Variants in STK33 observed in about 807,000 individuals in gnomAD.
STK33 encodes the protein serine/threonine kinase 33.
A neutral mutation model predicts 58.0 loss-of-function variants in STK33; 52 were observed. The ratio of observed to expected loss-of-function variants is 0.90; its 90% CI spans 0.72 to 1.13. STK33 has a LOEUF of 1.13. Among genes scored for constraint, STK33 ranks in the 50% most tolerant of loss-of-function variants. The pLI is 0.00. For missense variants in STK33, 630 were observed against 604.2 expected (o/e 1.04, Z -0.45); for synonymous variants, 215 against 200.1 (o/e 1.07, Z -0.63).
chr11:8,407,793 C>A (rs989102526), intron 15 of STK33, among the ~76,000 whole-genome samples: 1 of 151,902 alleles, frequency 6.6e-6, no homozygotes, highest in African/African-American at 2.4e-5. Flanking sequence ...AATGACAAAA[C>A]TTCCAAAACG....
chr11:8,373,599 T>C, the STK33 span, among the ~76,000 whole-genome samples: 1 of 151,922 alleles, frequency 6.6e-6, no homozygotes, highest in Non-Finnish European at 1.5e-5. Context: ...CTCAGGGTGG[T>C]CTCAGGCCCA....
At chr11:8,492,770 A>C (rs1196763339) in intron 1 of STK33, among the ~76,000 whole-genome samples, 3 of 152,226 alleles carry the variant, frequency 2.0e-5, no homozygotes, top group Admixed American at 1.3e-4. Flanking sequence ...GTGCAATCAA[A>C]TTAGAACTCA....
intron 1 of STK33, among the ~76,000 whole-genome samples, chr11:8,486,310 A>G (rs968294823): frequency 1.3e-5 from 2 of 152,178 alleles, no homozygotes; most frequent in Non-Finnish European, 2.9e-5. Flanking sequence ...GGCTTAACTC[A>G]TACTACTTCC....
intron 15 of STK33, among the ~76,000 whole-genome samples, chr11:8,397,329 G>A (rs963940475): frequency 3.3e-5 from 5 of 152,198 alleles, no homozygotes; most frequent in African/African-American, 7.2e-5. Context: ...TGCAGCCTCC[G>A]CTGCTGACAC....
rs543057712 is a variant in STK33 at position 8,506,730 on chromosome 11, G to A, written c.-465-26116C>T. Among the ~76,000 whole-genome samples, 4 of 152,200 alleles carry A rather than the reference G, an allele frequency of 2.6e-5. No homozygotes were observed. The South Asian group carries it at 8.3e-4, about 32-fold the overall frequency. On this transcript the variant is annotated intron_variant, in intron 1 of 15. Transcript: ENST00000687296. ...CAGGAATTAGGACGTGGACACCTTT[G>A]GGGGGCCGTTATTCTGCCTACCACA...
At position 8,420,634 on chromosome 11, in the gene STK33, A is replaced by G. The variant is rs148581547; in HGVS notation, c.1147-6942T>C. Among the ~76,000 whole-genome samples, 9 of 152,304 alleles carry G rather than the reference A, an allele frequency of 5.9e-5. No individual in the cohort carries two copies. In the East Asian group the frequency reaches 1.7e-3, roughly 29 times the overall value. Reference sequence around the variant, plus strand: ...CTATCACCTGAGGTGACTGCTATCCAGAATCTTGTGATTAACATTCCCTTG... The same window carrying G: ...CTATCACCTGAGGTGACTGCTATCCGGAATCTTGTGATTAACATTCCCTTG... On this transcript the variant is annotated intron_variant, in intron 14 of 15. Coordinates refer to ENST00000687296, the MANE Select transcript of STK33 (RefSeq NM_001352389.2).
chr11:8,487,369 T>C (rs1324248444), intron 1 of STK33, among the ~76,000 whole-genome samples: 2 of 147,114 alleles, frequency 1.4e-5, no homozygotes, highest in African/African-American at 5.1e-5. Flanking sequence ...CTGCAGTGAG[T>C]TGTGATCATG....
chr11:8,381,515 A>T, the STK33 span, among the ~76,000 whole-genome samples: 8,984 of 152,078 alleles, frequency 0.059, 453 homozygotes, highest in East Asian at 0.26. Context: ...ATCCCCAAAT[A>T]AGGATCCCAC....
At chr11:8,557,286 G>GGAGGGAA (rs1554999846) in intron 1 of STK33, among the ~76,000 whole-genome samples, 1 of 34,316 alleles carries the variant, frequency 2.9e-5, no homozygotes, top group Non-Finnish European at 5.8e-5. Context: ...GGAGGGGAGG[G>GGAGGGAA]GAGGAGAGAA....
chr11:8,580,501 G>C (rs975549795), intron 1 of STK33, among the ~76,000 whole-genome samples: 2 of 151,942 alleles, frequency 1.3e-5, no homozygotes, highest in Non-Finnish European at 2.9e-5. Context: ...GGAAGGGGGA[G>C]GGGGATGGTT....
At chr11:8,410,241 T>C (rs1378803750) in intron 15 of STK33, among the ~76,000 whole-genome samples, 1 of 152,222 alleles carries the variant, frequency 6.6e-6, no homozygotes, top group Non-Finnish European at 1.5e-5. Flanking sequence ...ATTTCAATGT[T>C]ATTTAAATGT....
At chr11:8,533,174 C>T (rs527628075) in intron 1 of STK33, among the ~76,000 whole-genome samples, 1 of 152,338 alleles carries the variant, frequency 6.6e-6, no homozygotes, top group South Asian at 2.1e-4. Context: ...AATTTTTGCA[C>T]ATTAACACCC....
At chr11:8,441,934 G>A (rs761605529) in intron 11 of STK33, among the ~76,000 whole-genome samples, 2 of 151,850 alleles carry the variant, frequency 1.3e-5, no homozygotes, top group Non-Finnish European at 2.9e-5. Context: ...TAAGTGACTT[G>A]CCTAATGTTA....
intron 1 of STK33, among the ~76,000 whole-genome samples, chr11:8,482,913 G>A (rs1202979019): frequency 6.6e-6 from 1 of 151,736 alleles, no homozygotes; most frequent in Non-Finnish European, 1.5e-5. Flanking sequence ...TGTATTTTTA[G>A]TAGAGATGGG....
At chr11:8,526,154 T>G (rs1388750219) in intron 1 of STK33, among the ~76,000 whole-genome samples, 1 of 152,124 alleles carries the variant, frequency 6.6e-6, no homozygotes, top group Non-Finnish European at 1.5e-5. Context: ...ATCCCAGTAC[T>G]TTGGGAGGCC....
intron 3 of STK33, 73 bp downstream of exon 3, chr11:8,477,177 T>TAC (rs200005492): frequency 1.0e-5 from 1 of 98,210 alleles, no homozygotes; most frequent in Admixed American, 1.0e-4. Flanking sequence ...CACACACACA[T>TAC]ACACATCTCT....
intron 1 of STK33, among the ~76,000 whole-genome samples, chr11:8,572,162 C>T (rs2141157968): frequency 6.6e-6 from 1 of 152,028 alleles, no homozygotes; most frequent in Admixed American, 6.5e-5. Flanking sequence ...ACGCCCAGAT[C>T]TCATACAGGA....
chr11:8,513,691 T>C (rs1456427450), intron 1 of STK33, among the ~76,000 whole-genome samples: 2 of 152,118 alleles, frequency 1.3e-5, no homozygotes, highest in Non-Finnish European at 1.5e-5. Context: ...TTTTTGGGGG[T>C]ATATAGTAGG....
chr11:8,357,090 C>T, the STK33 span, among the ~76,000 whole-genome samples: 5 of 152,244 alleles, frequency 3.3e-5, no homozygotes, highest in Admixed American at 6.5e-5. Context: ...CCTCTTCCCT[C>T]CTCCCGGCAG....
Sources: allele counts gnomAD v4.1 joint callset (sites outside exome capture counted in the v4.1 genomes callset), GRCh38; gene constraint gnomAD v4.1.1; transcripts MANE v1.5; gene names NCBI Gene and HGNC (gene_info 2026-07-23, HGNC 2026-07-21).